The following RNF169 variants were observed in gnomAD, a reference collection of about 807,000 sequenced individuals.
RNF169 encodes E3 ubiquitin-protein ligase RNF169.
RNF169 carries 24 observed loss-of-function variants against 53.9 expected under a neutral mutation model. The ratio of observed to expected loss-of-function variants is 0.45; its 90% confidence interval spans 0.32 to 0.63. RNF169 has a LOEUF of 0.63. Among genes scored for constraint, RNF169 ranks in the 20% least tolerant of loss-of-function variants. The pLI, the probability that RNF169 is intolerant of heterozygous loss-of-function variation, is 0.04. For synonymous variants in RNF169, 396 were observed against 363.5 expected, an observed-to-expected ratio of 1.09 and a Z score of -1.02; for missense variants, 883 against 906.2, an observed-to-expected ratio of 0.97 and a Z score of 0.33.
At chr11:74,764,504 C>G (rs914044386) in intron 1 of RNF169, among the ~76,000 whole-genome samples, 1 of 151,906 alleles carries the variant, frequency 6.6e-6, no homozygotes, top group Non-Finnish European at 1.5e-5. Flanking sequence ...CAACCATGAG[C>G]AAAACTCCAT....
At chr11:74,769,910 C>T (rs1469250338) in intron 1 of RNF169, among the ~76,000 whole-genome samples, 1 of 152,194 alleles carries the variant, frequency 6.6e-6, no homozygotes, top group East Asian at 1.9e-4. Flanking sequence ...ATCCTCCCAC[C>T]TCCAAAGTAA....
At chr11:74,780,043 G>A (rs2035394635) in intron 1 of RNF169, among the ~76,000 whole-genome samples, 1 of 152,174 alleles carries the variant, frequency 6.6e-6, no homozygotes, top group African/African-American at 2.4e-5. Flanking sequence ...CTTAACATAT[G>A]TTTCATTGTA....
intron 2 of RNF169, among the ~76,000 whole-genome samples, chr11:74,802,420 C>T (rs1263915705): frequency 6.6e-6 from 1 of 152,108 alleles, no homozygotes; most frequent in Non-Finnish European, 1.5e-5. Context: ...CCGAGGCAAG[C>T]GGATCACCTG....
intron 1 of RNF169, among the ~76,000 whole-genome samples, chr11:74,785,181 T>G (rs1325194828): frequency 1.1e-4 from 7 of 66,238 alleles, no homozygotes; most frequent in Admixed American, 9.5e-4. Context: ...ATGATATATA[T>G]ATATGATATA....
intron 2 of RNF169, among the ~76,000 whole-genome samples, chr11:74,792,424 C>T (rs7480268): frequency 0.021 from 3,224 of 151,294 alleles, 112 homozygotes; most frequent in African/African-American, 0.074. Flanking sequence ...TTTTTTGAAA[C>T]GGAGTCTTGC....
At position 74,785,195 on chromosome 11, in the gene RNF169, A is replaced by ATGATATATATATATGAT. The variant is rs1178330092; in HGVS notation, c.503-4430_503-4414dup. ...TATGATATATATATATGATATATAT[A>ATGATATATATATATGAT]TGATATATATATATGATATATATAT... On this transcript the variant is annotated intron_variant, in intron 1 of 5. Coordinates refer to ENST00000299563, the MANE Select transcript of RNF169 (RefSeq NM_001098638.2). Among the ~76,000 whole-genome samples, 67 of 119,436 alleles carry ATGATATATATATATGAT rather than the reference A, an allele frequency of 5.6e-4. 1 individual carries two copies. The South Asian group carries it at 0.014, about 26-fold the overall frequency. 78.4% of individuals were successfully genotyped at this position (119,436 alleles called of 152,430 possible). A position where few individuals can be genotyped will look rare whatever the true frequency, so the allele number is the denominator to read the frequency against.
intron 4 of RNF169, chr11:74,831,664 C>A: frequency 6.9e-6 from 1 of 144,754 alleles, no homozygotes. Flanking sequence ...TATGAATTTT[C>A]AGAGGATCCC....
In RNF169 at chr11:74,801,438, A is replaced by G. The variant is rs563198614; in HGVS notation, c.577-8746A>G. On this transcript the variant is annotated intron_variant, in intron 2 of 5. Coordinates refer to ENST00000299563, the MANE Select transcript of RNF169 (RefSeq NM_001098638.2). ...GAGGATATAAAGCATCAATTGCTCT[A>G]GATACCAAAGTAAACTGAAATGTTC... 3.9e-5 allele frequency among the ~76,000 whole-genome samples: 6 copies of G among 152,368 alleles called. No homozygotes were observed. In the East Asian group the frequency reaches 1.2e-3, roughly 29 times the overall value.
At chr11:74,790,986 C>T (rs556163624) in intron 2 of RNF169, among the ~76,000 whole-genome samples, 11 of 152,306 alleles carry the variant, frequency 7.2e-5, no homozygotes, top group Admixed American at 1.3e-4. Context: ...TCCTGCCATT[C>T]GGCGGGTCCC....
Position 74,836,073 on chromosome 11 carries a change from C to A in RNF169, c.1470C>A (p.Leu490=). The change falls in exon 6 of 6, where the codon CTC becomes CTA. Residue 490 remains leucine, a synonymous_variant. Transcript: ENST00000299563. ...VNTRLSGGQV[L]SEYTGPTSAD... ...CAAGATTATCTGGTGGGCAGGTCCT[C>A]TCTGAGTATACTGGACCCACCTCTG... 1 of 1,614,194 alleles carries A rather than the reference C, an allele frequency of 6.2e-7. No individual in the cohort carries two copies. The highest frequency in any genetic ancestry group is 8.5e-7 in the Non-Finnish European group (1 of 1,180,036).
At chr11:74,779,835 C>T (rs1161388119) in intron 1 of RNF169, among the ~76,000 whole-genome samples, 1 of 152,114 alleles carries the variant, frequency 6.6e-6, no homozygotes, top group African/African-American at 2.4e-5. Flanking sequence ...TGGATGGTAT[C>T]AGCAGGTAAA....
At position 74,810,315 on chromosome 11, in the gene RNF169, A is replaced by G. The variant is rs764893517; in HGVS notation, c.708A>G (p.Lys236=). ...AAAGAGATGAACCATTAGTACTGAA[A>G]ACAAATCTGGAACGTGTAAGTAAAT... ...QKKRDEPLVL[K]TNLERCPARL... is the part of the protein sequence containing the mutation. The change falls in exon 3 of 6, where the codon AAA becomes AAG. Residue 236 remains lysine, a synonymous_variant. Coordinates refer to ENST00000299563, the MANE Select transcript of RNF169 (RefSeq NM_001098638.2). 8 of 1,613,580 alleles carry G rather than the reference A, an allele frequency of 5.0e-6. No individual in the cohort carries two copies. The Admixed American group carries it at 1.2e-4, about 24-fold the overall frequency.
rs2036266329 is a variant in RNF169 at position 74,836,929 on chromosome 11, G to C, written c.*199G>C. The C allele has an allele frequency of 1.9e-6, 1 of 530,602 alleles. No individual in the cohort carries two copies. The highest frequency in any genetic ancestry group is 3.6e-5 in the Admixed American group (1 of 27,880). 32.9% of individuals were successfully genotyped at this position (530,602 alleles called of 1,614,324 possible). On this transcript the variant is annotated 3_prime_UTR_variant, in exon 6 of 6. Transcript: ENST00000299563. ...TCTGTGACCCAGGCCAGAAGCCTGA[G>C]TGACCCATCCCTAAGGGCTTCTGGG...
At chr11:74,828,769 G>A (rs2135144284) in intron 4 of RNF169, among the ~76,000 whole-genome samples, 1 of 152,262 alleles carries the variant, frequency 6.6e-6, no homozygotes, top group South Asian at 2.1e-4. Context: ...GTGGTGCTGG[G>A]AGAACTGGTT....
chr11:74,812,777 G>T (rs2035891265), intron 3 of RNF169, among the ~76,000 whole-genome samples: 1 of 152,140 alleles, frequency 6.6e-6, no homozygotes, highest in Non-Finnish European at 1.5e-5. Flanking sequence ...TGTGATTAGA[G>T]CGAGACTGAT....
intron 4 of RNF169, among the ~76,000 whole-genome samples, chr11:74,827,079 T>C (rs906959767): frequency 2.0e-5 from 3 of 152,104 alleles, no homozygotes; most frequent in African/African-American, 4.8e-5. Flanking sequence ...CTAGCAGAGG[T>C]GCTCCAGGCT....
chr11:74,770,025 C>T (rs1166697096), intron 1 of RNF169, among the ~76,000 whole-genome samples: 2 of 152,208 alleles, frequency 1.3e-5, no homozygotes, highest in Non-Finnish European at 2.9e-5. Flanking sequence ...CTCCTGGGTT[C>T]AAGCAATCCT....
chr11:74,827,471 T>C (rs115108169), intron 4 of RNF169, among the ~76,000 whole-genome samples: 1,946 of 152,342 alleles, frequency 0.013, 48 homozygotes, highest in African/African-American at 0.044. Flanking sequence ...TTATTACTTA[T>C]GCAAATTTCT....
At position 74,779,869 on chromosome 11, in the gene RNF169, A is replaced by G. The variant is rs1445382953; in HGVS notation, c.503-9757A>G. Among the ~76,000 whole-genome samples, 7 of 151,716 alleles carry G rather than the reference A, an allele frequency of 4.6e-5. No homozygotes were observed. The East Asian group carries it at 7.7e-4, about 17-fold the overall frequency. On this transcript the variant is annotated intron_variant, in intron 1 of 5. Coordinates refer to ENST00000299563, the MANE Select transcript of RNF169 (RefSeq NM_001098638.2). ...AATTTGATTGGCTGCTTTTTTTTGG[A>G]GATGGGGTTTCCCTACTTTGCCTGG...
Sources: allele counts gnomAD v4.1 joint callset (sites outside exome capture counted in the v4.1 genomes callset), GRCh38; gene constraint gnomAD v4.1.1; transcripts MANE v1.5; gene names NCBI Gene and HGNC (gene_info 2026-07-23, HGNC 2026-07-21).